The following RIC1 variants were observed in gnomAD, a reference collection of about 807,000 sequenced individuals.
The protein encoded by RIC1 is RIC1 partner of RAB6A GEF complex, also known as guanine nucleotide exchange factor subunit RIC1.
RIC1 carries 88 observed loss-of-function variants against 169.0 expected under a neutral mutation model. That is an observed-to-expected ratio of 0.52 (90% CI 0.44 to 0.62). The LOEUF (loss-of-function observed/expected upper bound fraction) is 0.62. Among genes scored for constraint, RIC1 ranks in the 20% least tolerant of loss-of-function variants. RIC1 has a pLI of 0.00. For missense variants in RIC1, 1,877 were observed against 1,725.5 expected, an observed-to-expected ratio of 1.09 and a Z score of -1.56; for synonymous variants, 790 against 601.5, an observed-to-expected ratio of 1.31 and a Z score of -4.59.
At chr9:5,764,706 A>G (rs1826581695) in intron 19 of RIC1, among the ~76,000 whole-genome samples, 1 of 152,220 alleles carries the variant, frequency 6.6e-6, no homozygotes, top group Non-Finnish European at 1.5e-5. Flanking sequence ...CCCTAAAGAA[A>G]AAGACATAGG....
intron 23 of RIC1, 68 bp downstream of exon 23, chr9:5,770,346 G>A: frequency 1.6e-6 from 2 of 1,252,132 alleles, no homozygotes; most frequent in South Asian, 2.8e-5. Flanking sequence ...TAGCACTTCA[G>A]AGATAGACCT....
At chr9:5,705,001 A>G (rs748353801) in intron 3 of RIC1, among the ~76,000 whole-genome samples, 41 of 152,254 alleles carry the variant, frequency 2.7e-4, no homozygotes, top group Non-Finnish European at 5.6e-4. Flanking sequence ...TAGGCTCTTA[A>G]TTCCATTCCA....
Position 5,757,362 on chromosome 9 carries a change from C to G in RIC1, c.1903C>G (p.Arg635Gly). The change falls in exon 17 of 26, where the codon CGC (arginine) becomes GGC (glycine). Residue 635 changes from arginine to glycine, a missense_variant. Physicochemically the swap from Arg to Gly is moderately radical, Grantham distance 125 (BLOSUM62 -2). This residue lies in a region of RIC1 where 1,104 missense variants were observed against 992.0 expected (regional missense o/e 1.11). Coordinates refer to ENST00000414202, the MANE Select transcript of RIC1 (RefSeq NM_020829.4). ...IQVLQEVSMS[R>G]YIPHPFLVVS... ...AGTTCTTCAGGAGGTTTCCATGTCACGCTACATTCCTCACCCTTTCCTGGT... is the reference window on the plus strand; with the variant it reads ...AGTTCTTCAGGAGGTTTCCATGTCAGGCTACATTCCTCACCCTTTCCTGGT... 6.2e-7 allele frequency: 1 copy of G among 1,614,024 alleles called. No individual in the cohort carries two copies. Among genetic ancestry groups the G allele is most frequent in the Non-Finnish European group, 8.5e-7 (1 of 1,179,914 alleles).
intron 1 of RIC1, among the ~76,000 whole-genome samples, chr9:5,632,704 G>C (rs1817775472): frequency 6.6e-6 from 1 of 152,142 alleles, no homozygotes; most frequent in Non-Finnish European, 1.5e-5. Flanking sequence ...TTTCAGCTTT[G>C]AGGATGAAAC....
intron 22 of RIC1, 31 bp downstream of exon 22, chr9:5,769,287 G>T: frequency 6.2e-7 from 1 of 1,613,842 alleles, no homozygotes; most frequent in Non-Finnish European, 8.5e-7. Flanking sequence ...CTTGTACAAG[G>T]AGAATTGTAT....
At chr9:5,685,403 G>C (rs1821156352) in intron 2 of RIC1, among the ~76,000 whole-genome samples, 1 of 151,440 alleles carries the variant, frequency 6.6e-6, no homozygotes, top group African/African-American at 2.4e-5. Context: ...AACCAAAACA[G>C]CATGGTACTG....
chr9:5,687,979 T>G (rs1461442822), intron 2 of RIC1, among the ~76,000 whole-genome samples: 1 of 152,174 alleles, frequency 6.6e-6, no homozygotes, highest in Non-Finnish European at 1.5e-5. Flanking sequence ...CTGATCATTG[T>G]CTAACCTGTC....
chr9:5,777,627 T>C (rs1452310311), downstream of RIC1, among the ~76,000 whole-genome samples: 1 of 152,172 alleles, frequency 6.6e-6, no homozygotes, highest in Non-Finnish European at 1.5e-5. Flanking sequence ...TTTATAGTTA[T>C]ATCTCCTACA....
At chr9:5,652,880 ATTCTT>A (rs1818884076) in intron 1 of RIC1, among the ~76,000 whole-genome samples, 2 of 152,122 alleles carry the variant, frequency 1.3e-5, no homozygotes, top group Admixed American at 1.3e-4. Context: ...CATTCTTTCT[ATTCTT>A]AATTTGTTAA....
At chr9:5,735,923 ATC>A (rs1824677431) in intron 7 of RIC1, among the ~76,000 whole-genome samples, 1 of 152,230 alleles carries the variant, frequency 6.6e-6, no homozygotes, top group South Asian at 2.1e-4. Flanking sequence ...TAATAGTCAT[ATC>A]TCTCTTATAG....
At chr9:5,630,898 A>G (rs532924360) in intron 1 of RIC1, among the ~76,000 whole-genome samples, 1 of 152,370 alleles carries the variant, frequency 6.6e-6, no homozygotes, top group African/African-American at 2.4e-5. Context: ...TTTAAAGCAC[A>G]TGCAGAAAAA....
chr9:5,706,804 T>C (rs758785116), intron 3 of RIC1, among the ~76,000 whole-genome samples: 1 of 152,206 alleles, frequency 6.6e-6, no homozygotes, highest in Non-Finnish European at 1.5e-5. Flanking sequence ...ATTCCCACTT[T>C]CATTTCAGAC....
intron 3 of RIC1, among the ~76,000 whole-genome samples, chr9:5,696,173 T>C (rs1821892663): frequency 6.6e-6 from 1 of 152,126 alleles, no homozygotes; most frequent in African/African-American, 2.4e-5. Context: ...CCTTGTCTAT[T>C]AAAAAAGCTT....
chr9:5,656,150 A>T (rs918477867), intron 1 of RIC1, among the ~76,000 whole-genome samples: 2 of 152,146 alleles, frequency 1.3e-5, no homozygotes, highest in Non-Finnish European at 2.9e-5. Context: ...GATTACAGGC[A>T]TGAGCCACCG....
rs79034593 is a variant in RIC1 at position 5,756,494 on chromosome 9, TAA to T, written c.1853+128_1853+129del. On this transcript the variant is annotated intron_variant, in intron 16 of 25. Coordinates refer to ENST00000414202, the MANE Select transcript of RIC1 (RefSeq NM_020829.4). ...TATTCAATCTTGTTTTTGTTAGAGG[TAA>T]AAAAAGCAAGGAGTTTTAATTAGTG... 32 of 563,430 alleles carry T rather than the reference TAA, an allele frequency of 5.7e-5. No homozygotes were observed. In the South Asian group the frequency reaches 2.1e-3, roughly 37 times the overall value. 34.9% of individuals were successfully genotyped at this position (563,430 alleles called of 1,614,324 possible).
chr9:5,743,668 T>A, intron 9 of RIC1, 21 bp from the exon 10 acceptor site: 2 of 1,582,876 alleles, frequency 1.3e-6, no homozygotes, highest in Non-Finnish European at 1.7e-6. Flanking sequence ...TGTATTATAT[T>A]TAGTTTCTGT....
intron 12 of RIC1, among the ~76,000 whole-genome samples, chr9:5,749,720 A>G (rs970848998): frequency 6.8e-6 from 1 of 148,022 alleles, no homozygotes; most frequent in African/African-American, 2.5e-5. Context: ...AAACAAATAC[A>G]TACTTGTCAG....
chr9:5,737,301 T>C (rs1824775611), intron 7 of RIC1, among the ~76,000 whole-genome samples: 2 of 145,586 alleles, frequency 1.4e-5, no homozygotes, highest in South Asian at 4.2e-4. Flanking sequence ...GTAAAGATGT[T>C]TTAAATTAAG....
Position 5,735,382 on chromosome 9 carries a change from T to TGG in RIC1, c.812+2906_812+2907dup, listed in dbSNP as rs568675975. Among the ~76,000 whole-genome samples, 4 of 152,274 alleles carry TGG rather than the reference T, an allele frequency of 2.6e-5. No individual in the cohort carries two copies. In the South Asian group the frequency reaches 8.3e-4, roughly 32 times the overall value. On this transcript the variant is annotated intron_variant, in intron 7 of 25. Transcript: ENST00000414202. Reference sequence around the variant, plus strand: ...AGTGTGCAGTTCCATTTACTGCATTTGGGGCCAGCACAAGGGTGGGTGTTA... The same window carrying TGG: ...AGTGTGCAGTTCCATTTACTGCATTTGGGGGGCCAGCACAAGGGTGGGTGTTA...
Sources: gnomAD v4.1 joint callset for allele counts (sites outside exome capture counted in the v4.1 genomes callset) on GRCh38, gnomAD v4.1.1 for gene constraint, gnomAD v4.1.1 regional missense constraint, MANE v1.5 for transcripts, NCBI Gene and HGNC (gene_info 2026-07-23, HGNC 2026-07-21) for gene names.